The following ARHGEF18 variants were observed in gnomAD, a reference collection of about 807,000 sequenced individuals.
ARHGEF18 encodes the protein Rho/Rac guanine nucleotide exchange factor 18, also known as rho guanine nucleotide exchange factor 18.
In ARHGEF18, 93 loss-of-function variants were observed where a neutral mutation model predicts 155.7. The ratio of observed to expected loss-of-function variants is 0.60; its 90% CI spans 0.50 to 0.71. The LOEUF (loss-of-function observed/expected upper bound fraction) is 0.71. Among genes scored for constraint, ARHGEF18 ranks in the 30% least tolerant of loss-of-function variants. The pLI is 0.00. For synonymous variants in ARHGEF18, 742 were observed against 753.1 expected, an observed-to-expected ratio of 0.99 and a Z score of 0.24; for missense variants, 1,593 against 1,816.1, an observed-to-expected ratio of 0.88 and a Z score of 2.23.
At chr19:7,380,478 C>CAAAA (rs60460858) in intron 7 of ARHGEF18, among the ~76,000 whole-genome samples, 1 of 112,726 alleles carries the variant, frequency 8.9e-6, no homozygotes. Context: ...GACTCCATCT[C>CAAAA]AAAAAAAAAA....
chr19:7,375,380 A>G lies in ARHGEF18; in HGVS notation c.276-340A>G, dbSNP rs1313159702. On this transcript the variant is annotated intron_variant, in intron 3 of 28. Transcript: ENST00000668164. ...AAGGAAGGAAGGAAGGAAGGAAGAA[A>G]GAAAAGGAAGGAAGGAAGAAAGGAA... is the stretch of plus-strand genomic sequence containing the variant. Among the ~76,000 whole-genome samples, 1,118 of 129,102 alleles carry G rather than the reference A, an allele frequency of 8.7e-3. 25 individuals carry two copies. Among genetic ancestry groups the G allele is most frequent in the African/African-American group, 0.027 (1,024 of 37,348 alleles). The allele number at this position is 129,102 out of a possible 152,430, so 84.7% of individuals were successfully genotyped here.
intron 1 of ARHGEF18, among the ~76,000 whole-genome samples, chr19:7,360,799 C>T (rs144381320): frequency 1.6e-3 from 247 of 152,280 alleles, no homozygotes; most frequent in Admixed American, 9.4e-3. Context: ...CTGCTTGTTT[C>T]GTTTCTGTGA....
At chr19:7,461,884 C>T (rs564395675) in intron 20 of ARHGEF18, among the ~76,000 whole-genome samples, 9 of 152,266 alleles carry the variant, frequency 5.9e-5, no homozygotes, top group African/African-American at 1.9e-4. Context: ...AACTCCAGGC[C>T]GCAAGAGTCC....
intron 10 of ARHGEF18, among the ~76,000 whole-genome samples, chr19:7,398,460 T>C (rs999285562): frequency 6.7e-6 from 1 of 150,152 alleles, no homozygotes; most frequent in Non-Finnish European, 1.5e-5. Context: ...CCTTGGGAGG[T>C]CGAGGTGGGC....
intron 10 of ARHGEF18, among the ~76,000 whole-genome samples, chr19:7,423,593 C>T (rs928312801): frequency 1.3e-5 from 2 of 151,486 alleles, no homozygotes; most frequent in African/African-American, 2.4e-5. Flanking sequence ...CCCAGCTACT[C>T]GGGAGGCTGA....
In ARHGEF18 at chr19:7,395,176, G is replaced by C. The variant is rs1971623602; in HGVS notation, c.967+11973G>C. On this transcript the variant is annotated intron_variant, in intron 10 of 28. Coordinates refer to ENST00000668164, the MANE Select transcript of ARHGEF18 (RefSeq NM_001367823.1). This position sits in a 1 kb window ranked among gnomAD's most constrained non-coding sequence, Gnocchi z 5.0. ...TACTGTGGATCTGGGGGGGCCGGAC[G>C]GAGGCATCGGAGGCGGCTGCGAGAG... 2 of 986,000 alleles carry C rather than the reference G, an allele frequency of 2.0e-6. No homozygotes were observed. The highest frequency in any genetic ancestry group is 4.7e-5 in the South Asian group (1 of 21,312). 61.1% of individuals were successfully genotyped at this position (986,000 alleles called of 1,614,324 possible).
rs776663840 is a variant in ARHGEF18 at position 7,440,300 on chromosome 19, G to A, written c.968-44G>A. The A allele has an allele frequency of 5.0e-6, 8 of 1,592,826 alleles. No homozygotes were observed. The East Asian group carries it at 9.2e-5, about 18-fold the overall frequency. On this transcript the variant is annotated intron_variant, in intron 10 of 28. Coordinates refer to ENST00000668164, the MANE Select transcript of ARHGEF18 (RefSeq NM_001367823.1). The surrounding 1 kb of genome is among the most constrained non-coding windows in gnomAD (Gnocchi z 5.4). The stretch of plus-strand genomic sequence containing the variant: ...TCCGCGCCGGGGACCTCCGCTACCC[G>A]ACCCACTTTCTCAGCACCAACTCTG...
At chr19:7,402,699 C>T (rs1212483617) in intron 10 of ARHGEF18, among the ~76,000 whole-genome samples, 1 of 152,030 alleles carries the variant, frequency 6.6e-6, no homozygotes, top group African/African-American at 2.4e-5. Flanking sequence ...CCAGCTTGCC[C>T]CGTAAGTGGT....
intron 16 of ARHGEF18, among the ~76,000 whole-genome samples, chr19:7,452,546 A>T (rs576345290): frequency 6.6e-6 from 1 of 151,658 alleles, no homozygotes; most frequent in South Asian, 2.1e-4. Flanking sequence ...GCTCACTGCA[A>T]CCTCTGCCTC....
At chr19:7,474,752 G>GGTGTGTGTGTGTGTGTGTGT (rs1555733246), downstream of ARHGEF18, among the ~76,000 whole-genome samples, 1 of 103,144 alleles carries the variant, frequency 9.7e-6, no homozygotes, top group South Asian at 3.1e-4. Flanking sequence ...GGTGGGCATT[G>GGTGTGTGTGTGTGTGTGTGT]GAGTGTGTGT....
At chr19:7,371,623 C>A (rs928988030) in intron 2 of ARHGEF18, among the ~76,000 whole-genome samples, 1 of 152,064 alleles carries the variant, frequency 6.6e-6, no homozygotes, top group African/African-American at 2.4e-5. Context: ...GAGTTCGAGA[C>A]CAACCCGGCC....
Position 7,467,609 on chromosome 19 carries a change from G to T in ARHGEF18, c.3405G>T (p.Glu1135Asp). 1 of 1,510,682 alleles carries T rather than the reference G, an allele frequency of 6.6e-7. No homozygotes were observed. The highest frequency in any genetic ancestry group is 8.8e-7 in the Non-Finnish European group (1 of 1,137,606). 93.6% of individuals were successfully genotyped at this position (1,510,682 alleles called of 1,614,324 possible). Residue 1135 changes from glutamate to aspartate, a missense_variant, in exon 26 of 29, where the codon GAG (glutamate) becomes GAT (aspartate). Physicochemically the swap from Glu to Asp is conservative, Grantham distance 45. Coordinates refer to ENST00000668164, the MANE Select transcript of ARHGEF18 (RefSeq NM_001367823.1). ...AGCGTGCCGTGGAGCGCGAGCGGGA[G>T]CGCCTGGAGCTGCTGCGCCGCCTCA... ...EAQRAVERER[E>D]RLELLRRLKK...
intron 10 of ARHGEF18, among the ~76,000 whole-genome samples, chr19:7,398,708 T>G (rs11260042): frequency 0.18 from 26,020 of 146,984 alleles, 4,878 homozygotes; most frequent in African/African-American, 0.48. Flanking sequence ...AAAAAAAAAA[T>G]AAAGAAAGAA....
intron 4 of ARHGEF18, 59 bp from the exon 5 acceptor site, chr19:7,376,584 G>A: frequency 8.7e-7 from 1 of 1,147,730 alleles, no homozygotes; most frequent in Non-Finnish European, 1.1e-6. Context: ...TCAATCCAGG[G>A]AACCTGCCTG....
At chr19:7,439,744 T>G in intron 10 of ARHGEF18, 2 of 1,375,012 alleles carry the variant, frequency 1.5e-6, no homozygotes, top group Non-Finnish European at 1.9e-6. Context: ...CTGATCTAGA[T>G]TAATTATCAT....
chr19:7,439,089 T>A (rs1837309818), intron 10 of ARHGEF18, among the ~76,000 whole-genome samples: 1 of 151,832 alleles, frequency 6.6e-6, no homozygotes, highest in African/African-American at 2.4e-5. Context: ...GGGGGTTTCC[T>A]GGCCAGGCTG....
chr19:7,447,253 G>A, intron 15 of ARHGEF18, 85 bp downstream of exon 15: 2 of 1,330,866 alleles, frequency 1.5e-6, no homozygotes, highest in African/African-American at 1.5e-5. Flanking sequence ...CACTTTGGGA[G>A]TCTGAGGCGG....
At position 7,441,924 on chromosome 19, in the gene ARHGEF18, C is replaced by T; in HGVS notation, c.1232C>T (p.Ala411Val). Residue 411 changes from alanine to valine, a missense_variant, in exon 13 of 29, where the codon GCC (alanine) becomes GTC (valine). Transcript: ENST00000668164. ...GCTCTTCCCTCAGATCCCTACACCG[C>T]CTCGCTGAGGAGTGAGATTGAGTCA... ...ESIFVEDPYTASLRSEIESDG... is the reference protein window; with the variant it reads ...ESIFVEDPYTVSLRSEIESDG... The T allele has an allele frequency of 6.2e-7, 1 of 1,614,096 alleles. No individual in the cohort carries two copies. The highest frequency in any genetic ancestry group is 8.5e-7 in the Non-Finnish European group (1 of 1,179,978).
intron 10 of ARHGEF18, among the ~76,000 whole-genome samples, chr19:7,428,140 A>G (rs747103287): frequency 1.3e-5 from 2 of 152,168 alleles, no homozygotes; most frequent in Non-Finnish European, 2.9e-5. Context: ...ATGTGTAAGG[A>G]TTTTCATGTT....
Sources: allele counts gnomAD v4.1 joint callset (sites outside exome capture counted in the v4.1 genomes callset), GRCh38; gene constraint gnomAD v4.1.1; non-coding constraint Gnocchi (gnomAD v3.1); transcripts MANE v1.5; gene names NCBI Gene and HGNC (gene_info 2026-07-23, HGNC 2026-07-21).